ZNF18: variants seen among roughly 807,000 people sequenced by gnomAD.
The protein encoded by ZNF18 is zinc finger protein 18.
Under a neutral mutation model 58.1 loss-of-function variants are expected in ZNF18, and 42 were observed. The observed-to-expected ratio is 0.72, with a 90% CI of 0.56 to 0.93. ZNF18 has a LOEUF of 0.93. Among genes scored for constraint, ZNF18 ranks in the 40% least tolerant of loss-of-function variants. ZNF18 has a pLI of 0.00. For missense variants in ZNF18, 540 were observed against 644.2 expected, an observed-to-expected ratio of 0.84 and a Z score of 1.75; for synonymous variants, 231 against 239.8, an observed-to-expected ratio of 0.96 and a Z score of 0.34.
At chr17:11,997,911 T>C (rs116816481), upstream of ZNF18, among the ~76,000 whole-genome samples, 548 of 152,302 alleles carry the variant, frequency 3.6e-3, 4 homozygotes, top group African/African-American at 0.012. Context: ...CCTGAGACAC[T>C]TGATTTGCCC....
chr17:11,989,226 G>A (rs1967946318), intron 4 of ZNF18, among the ~76,000 whole-genome samples: 1 of 152,032 alleles, frequency 6.6e-6, no homozygotes, highest in African/African-American at 2.4e-5. Context: ...TCAGGAGGCT[G>A]AGGCAGGAGT....
At chr17:11,985,347 C>T (rs1439652133) in intron 4 of ZNF18, among the ~76,000 whole-genome samples, 1 of 152,144 alleles carries the variant, frequency 6.6e-6, no homozygotes, top group Non-Finnish European at 1.5e-5. Flanking sequence ...TGGAGTCAGA[C>T]GTACTGAGTT....
intron 6 of ZNF18, among the ~76,000 whole-genome samples, chr17:11,979,705 C>T (rs1335750222): frequency 1.3e-5 from 2 of 152,010 alleles, no homozygotes; most frequent in African/African-American, 4.8e-5. Flanking sequence ...AATTGTCTGC[C>T]AGGGATCTAG....
At chr17:11,988,496 A>T (rs1300693193) in intron 4 of ZNF18, among the ~76,000 whole-genome samples, 1 of 152,184 alleles carries the variant, frequency 6.6e-6, no homozygotes. Flanking sequence ...AGCTCCAGAG[A>T]TCTACAGAGC....
At chr17:12,010,651 C>T in the ZNF18 span, 2 of 159,484 alleles carry the variant, frequency 1.3e-5, no homozygotes, top group Admixed American at 6.4e-5. Flanking sequence ...CTCTTGACCT[C>T]GTGATCCACC....
intron 6 of ZNF18, among the ~76,000 whole-genome samples, chr17:11,980,768 T>A (rs1392059335): frequency 2.0e-5 from 3 of 152,210 alleles, no homozygotes; most frequent in Non-Finnish European, 4.4e-5. Context: ...TAGGCTCCCT[T>A]TTCTGTTCTA....
the ZNF18 span, among the ~76,000 whole-genome samples, chr17:12,009,557 A>G: frequency 6.6e-6 from 1 of 151,506 alleles, no homozygotes; most frequent in Non-Finnish European, 1.5e-5. Context: ...GATTCAAGCA[A>G]TTCTCCTGCC....
At chr17:12,019,331 TGTGTG>T in the ZNF18 span, among the ~76,000 whole-genome samples, 2 of 149,050 alleles carry the variant, frequency 1.3e-5, no homozygotes, top group African/African-American at 2.6e-5. Flanking sequence ...TGTGTGTGTG[TGTGTG>T]TTTAAATTAA....
chr17:12,006,513 T>C, the ZNF18 span, among the ~76,000 whole-genome samples: 1 of 152,208 alleles, frequency 6.6e-6, no homozygotes. Flanking sequence ...GTTATTGAGA[T>C]ATCGTAATTT....
intron 1 of ZNF18, 32 bp from the exon 2 acceptor site, chr17:11,992,943 G>A (rs879057365): frequency 1.6e-6 from 2 of 1,218,590 alleles, no homozygotes; most frequent in Admixed American, 5.6e-5. Flanking sequence ...GTGCTACACA[G>A]AGGAAGGGGA....
upstream of ZNF18, chr17:11,997,540 G>A (rs1474104439): frequency 6.6e-6 from 1 of 152,240 alleles, no homozygotes; most frequent in African/African-American, 2.4e-5. Flanking sequence ...GGGGGCGGGG[G>A]CGGAGCTGAT....
the ZNF18 span, among the ~76,000 whole-genome samples, chr17:12,010,201 G>C: frequency 1.3e-5 from 2 of 151,724 alleles, no homozygotes; most frequent in Non-Finnish European, 2.9e-5. Flanking sequence ...TATAAATATA[G>C]TATGAAATGT....
At chr17:11,998,805 A>C, upstream of ZNF18, among the ~76,000 whole-genome samples, 1 of 148,932 alleles carries the variant, frequency 6.7e-6, no homozygotes. Flanking sequence ...AGCCTGACAT[A>C]GGTGGAAGTT....
At chr17:12,008,314 G>A in the ZNF18 span, among the ~76,000 whole-genome samples, 1 of 152,124 alleles carries the variant, frequency 6.6e-6, no homozygotes. Flanking sequence ...CCTTTTAGTG[G>A]TGCATGCAAT....
intron 4 of ZNF18, among the ~76,000 whole-genome samples, chr17:11,987,615 T>C (rs984458690): frequency 1.4e-4 from 21 of 152,354 alleles, no homozygotes; most frequent in African/African-American, 4.8e-4. Context: ...TTGGTGCTGA[T>C]GAGCATTTTA....
In ZNF18 at chr17:11,981,318, C is replaced by CTT. The variant is rs35186030; in HGVS notation, c.862+1977_862+1978dup. ...TCCTAAACCTCTTTCCACATATCCTCTTTTTTTTTTTTTTTTTTGAGACAG... is the reference window on the plus strand; with the variant it reads ...TCCTAAACCTCTTTCCACATATCCTCTTTTTTTTTTTTTTTTTTTTGAGACAG... On this transcript the variant is annotated intron_variant, in intron 6 of 6. Transcript: ENST00000580306. 2.9e-3 allele frequency among the ~76,000 whole-genome samples: 389 copies of CTT among 135,840 alleles called. 1 individual carries two copies. The highest frequency in any genetic ancestry group is 6.2e-3 in the African/African-American group (231 of 37,196). 89.1% of individuals were successfully genotyped at this position (135,840 alleles called of 152,430 possible).
the ZNF18 span, among the ~76,000 whole-genome samples, chr17:12,010,028 A>C: frequency 6.6e-6 from 1 of 152,198 alleles, no homozygotes; most frequent in Admixed American, 6.5e-5. Flanking sequence ...TGGATATAAC[A>C]GACCAAAACA....
chr17:11,993,243 C>T (rs1968249141), intron 1 of ZNF18, among the ~76,000 whole-genome samples: 1 of 152,174 alleles, frequency 6.6e-6, no homozygotes, highest in Non-Finnish European at 1.5e-5. Context: ...CAAAACACTT[C>T]TACATCTTCA....
chr17:11,983,457 G>C (rs1341184845), intron 5 of ZNF18, 50 bp from the exon 6 acceptor site: 3 of 1,455,272 alleles, frequency 2.1e-6, no homozygotes, highest in Non-Finnish European at 2.9e-6. Context: ...GGAAGACTGG[G>C]AGCTCAAGCT....
Sources: allele counts gnomAD v4.1 joint callset (sites outside exome capture counted in the v4.1 genomes callset), GRCh38; gene constraint gnomAD v4.1.1; transcripts MANE v1.5; gene names NCBI Gene and HGNC (gene_info 2026-07-23, HGNC 2026-07-21).